FARS2: variants seen among roughly 807,000 people sequenced by gnomAD.
The protein encoded by FARS2 is phenylalanine--tRNA ligase, mitochondrial.
Under a neutral mutation model 46.4 loss-of-function variants are expected in FARS2, and 40 were observed. The observed-to-expected ratio is 0.86, with a 90% CI of 0.67 to 1.12. The LOEUF is 1.12. Ranked by LOEUF, FARS2 falls within the 50% of genes most tolerant of loss-of-function variation. The pLI, the probability that FARS2 is intolerant of heterozygous loss-of-function variation, is 0.00. For missense variants in FARS2, 513 were observed against 567.9 expected (o/e 0.90, Z 0.98); for synonymous variants, 234 against 214.9 (o/e 1.09, Z -0.78).
chr6:5,538,485 G>A (rs1211803397), intron 4 of FARS2, among the ~76,000 whole-genome samples: 13 of 152,146 alleles, frequency 8.5e-5, no homozygotes, highest in Admixed American at 5.9e-4. Context: ...TCTAAGCTCC[G>A]ATGGGGCCAA....
intron 6 of FARS2, among the ~76,000 whole-genome samples, chr6:5,738,410 G>T (rs1034528847): frequency 1.3e-5 from 2 of 152,212 alleles, no homozygotes; most frequent in South Asian, 2.1e-4. Context: ...AATAGAACAG[G>T]TTCTTTCAGT....
chr6:5,484,866 G>T (rs1047844680), intron 4 of FARS2, among the ~76,000 whole-genome samples: 2 of 152,178 alleles, frequency 1.3e-5, no homozygotes, highest in Non-Finnish European at 1.5e-5. Context: ...GCAGACGGGG[G>T]CACAGCTGTT....
chr6:5,251,739 T>A, the FARS2 span, among the ~76,000 whole-genome samples: 2 of 152,248 alleles, frequency 1.3e-5, no homozygotes, highest in East Asian at 3.9e-4. Context: ...CCAAACTGTA[T>A]CATTGCATGC....
intron 6 of FARS2, among the ~76,000 whole-genome samples, chr6:5,635,385 T>C (rs575090386): frequency 3.3e-5 from 5 of 152,254 alleles, no homozygotes; most frequent in African/African-American, 9.6e-5. Flanking sequence ...ATAAAATTAC[T>C]TTCTTAAGGT....
At chr6:5,309,993 T>C (rs1240925625) in intron 1 of FARS2, among the ~76,000 whole-genome samples, 2 of 152,176 alleles carry the variant, frequency 1.3e-5, no homozygotes, top group East Asian at 3.8e-4. Flanking sequence ...CTGAATAATT[T>C]AAGATCTTGC....
intron 6 of FARS2, among the ~76,000 whole-genome samples, chr6:5,646,346 G>A (rs945572728): frequency 3.9e-5 from 6 of 152,140 alleles, no homozygotes; most frequent in South Asian, 2.1e-4. Flanking sequence ...TCTGACGAAC[G>A]AGCTGTGGTG....
intron 1 of FARS2, among the ~76,000 whole-genome samples, chr6:5,344,239 T>C (rs1415016690): frequency 6.6e-6 from 1 of 152,130 alleles, no homozygotes; most frequent in Non-Finnish European, 1.5e-5. Context: ...CCTGTGGGCG[T>C]ATCTGCTTGC....
chr6:5,677,714 G>A (rs1778835784), intron 6 of FARS2, among the ~76,000 whole-genome samples: 1 of 152,206 alleles, frequency 6.6e-6, no homozygotes, highest in Admixed American at 6.5e-5. Flanking sequence ...GTTCTTCCCT[G>A]TGAGCTTATA....
At chr6:5,353,661 T>C (rs971152407) in intron 1 of FARS2, among the ~76,000 whole-genome samples, 3 of 152,096 alleles carry the variant, frequency 2.0e-5, no homozygotes, top group African/African-American at 7.2e-5. Context: ...GTTTTTCATA[T>C]ATCTGTTGGC....
At chr6:5,589,191 C>G (rs1773783420) in intron 5 of FARS2, among the ~76,000 whole-genome samples, 1 of 152,124 alleles carries the variant, frequency 6.6e-6, no homozygotes, top group African/African-American at 2.4e-5. Context: ...CCAGCTCCCC[C>G]CGTCCTAGGT....
At chr6:5,657,385 A>G (rs1208553684) in intron 6 of FARS2, among the ~76,000 whole-genome samples, 1 of 152,192 alleles carries the variant, frequency 6.6e-6, no homozygotes, top group East Asian at 1.9e-4. Context: ...ACTGTGCTGC[A>G]CTGATTAGAT....
intron 6 of FARS2, among the ~76,000 whole-genome samples, chr6:5,736,668 A>AT (rs1019896692): frequency 0.013 from 1,950 of 150,516 alleles, 34 homozygotes; most frequent in African/African-American, 0.04. Context: ...ACCTTAAGGG[A>AT]TTTTTTTTTT....
At chr6:5,266,560 A>G (rs542139085) in intron 1 of FARS2, among the ~76,000 whole-genome samples, 1 of 152,182 alleles carries the variant, frequency 6.6e-6, no homozygotes, top group African/African-American at 2.4e-5. Context: ...AGCCAGGGTC[A>G]CACAGCTGGA....
chr6:5,394,465 G>T (rs779324821), intron 2 of FARS2, among the ~76,000 whole-genome samples: 16 of 152,098 alleles, frequency 1.1e-4, no homozygotes, highest in Non-Finnish European at 2.4e-4. Flanking sequence ...TACACTCCAT[G>T]GTGTTCGCAC....
At chr6:5,449,317 C>A (rs1764349295) in intron 4 of FARS2, among the ~76,000 whole-genome samples, 1 of 131,654 alleles carries the variant, frequency 7.6e-6, no homozygotes, top group Admixed American at 9.2e-5. Flanking sequence ...CCACTGCACT[C>A]CAGCCTGGCT....
chr6:5,473,254 C>G (rs190488713), intron 4 of FARS2, among the ~76,000 whole-genome samples: 2 of 151,070 alleles, frequency 1.3e-5, no homozygotes, highest in Non-Finnish European at 3.0e-5. Context: ...TGGCCAGGCG[C>G]GGTGGCTCAT....
At position 5,343,912 on chromosome 6, in the gene FARS2, C is replaced by T. The variant is rs1333618147; in HGVS notation, c.-21-24638C>T. On this transcript the variant is annotated intron_variant, in intron 1 of 6. Transcript: ENST00000274680. This position sits in a 1 kb window ranked among gnomAD's most constrained non-coding sequence, Gnocchi z 4.5. Reference sequence around the variant, plus strand: ...AATTAGCTCAAATTCTAACCACAGCCATAAGTGGTCCTTGTGCATGGCAAT... The same window carrying T: ...AATTAGCTCAAATTCTAACCACAGCTATAAGTGGTCCTTGTGCATGGCAAT... 1.3e-5 allele frequency among the ~76,000 whole-genome samples: 2 copies of T among 152,222 alleles called. No homozygotes were observed. The highest frequency in any genetic ancestry group is 4.8e-5 in the African/African-American group (2 of 41,448).
At chr6:5,269,704 A>G (rs1352117595) in intron 1 of FARS2, among the ~76,000 whole-genome samples, 4 of 152,204 alleles carry the variant, frequency 2.6e-5, no homozygotes, top group Admixed American at 1.3e-4. Flanking sequence ...TTTGCTAATC[A>G]CTGGAAAAAT....
Position 5,771,329 on chromosome 6 carries a change from G to A in FARS2, c.1256G>A (p.Arg419His), listed in dbSNP as rs202183509. Residue 419 changes from arginine (R) to histidine (H), a missense_variant, in exon 7 of 7, where the codon CGC (arginine) becomes CAC (histidine). Coordinates refer to ENST00000274680, the MANE Select transcript of FARS2 (RefSeq NM_006567.5). ...AGCCACTGCTACCGCATCACGTACC[G>A]CCACATGGAACGGACTCTGTCCCAG... is the stretch of plus-strand genomic sequence containing the variant. ...KTSHCYRITY[R>H]HMERTLSQRE... 13 of 1,614,048 alleles carry A rather than the reference G, an allele frequency of 8.1e-6. No homozygotes were observed. The highest frequency in any genetic ancestry group is 4.5e-5 in the East Asian group (2 of 44,890).
Sources: allele counts gnomAD v4.1 joint callset (sites outside exome capture counted in the v4.1 genomes callset), GRCh38; gene constraint gnomAD v4.1.1; non-coding constraint Gnocchi (gnomAD v3.1); transcripts MANE v1.5; gene names NCBI Gene and HGNC (gene_info 2026-07-23, HGNC 2026-07-21).